CBLB: variants seen among roughly 807,000 people sequenced by gnomAD.
CBLB encodes the protein E3 ubiquitin-protein ligase CBL-B.
A neutral mutation model predicts 104.9 loss-of-function variants in CBLB; 31 were observed. That is an observed-to-expected ratio of 0.30 (90% CI 0.22 to 0.40). The LOEUF (loss-of-function observed/expected upper bound fraction) is 0.40. Among genes scored for constraint, CBLB ranks in the 10% least tolerant of loss-of-function variants. The pLI is 1.00. For synonymous variants in CBLB, 440 were observed against 422.6 expected (o/e 1.04, Z -0.51); for missense variants, 1,062 against 1,214.6 (o/e 0.87, Z 1.87).
rs141570213 is a variant in CBLB at position 105,859,603 on chromosome 3, C to T, written c.169-5939G>A. Reference sequence around the variant, plus strand: ...CCAGGAGACGGAGCTTGCAGTGAGCCGAGATCGTGCCACTGCACTCCAGCA... The same window carrying T: ...CCAGGAGACGGAGCTTGCAGTGAGCTGAGATCGTGCCACTGCACTCCAGCA... On this transcript the variant is annotated intron_variant, in intron 2 of 18. Coordinates refer to ENST00000394030, the MANE Select transcript of CBLB (RefSeq NM_170662.5). Among the ~76,000 whole-genome samples, 641 of 148,370 alleles carry T rather than the reference C, an allele frequency of 4.3e-3. 5 individuals carry two copies. The highest frequency in any genetic ancestry group is 0.015 in the African/African-American group (607 of 40,262).
At chr3:105,703,850 A>T in intron 11 of CBLB, 138 bp downstream of exon 11, 1 of 761,844 alleles carries the variant, frequency 1.3e-6, no homozygotes, top group Non-Finnish European at 2.2e-6. Flanking sequence ...TGGGCTCACC[A>T]TAAACTAAAC....
At chr3:105,840,900 C>T (rs1010758221) in intron 3 of CBLB, among the ~76,000 whole-genome samples, 2 of 151,174 alleles carry the variant, frequency 1.3e-5, no homozygotes, top group Admixed American at 6.6e-5. Flanking sequence ...AAAATATAAT[C>T]GTCTTCTCTT....
At chr3:105,831,849 G>C (rs532307949) in intron 3 of CBLB, among the ~76,000 whole-genome samples, 4 of 151,770 alleles carry the variant, frequency 2.6e-5, no homozygotes, top group Non-Finnish European at 5.9e-5. Context: ...GACAAGTGAG[G>C]CTGAAGTTTA....
intron 12 of CBLB, among the ~76,000 whole-genome samples, chr3:105,698,144 G>C (rs370898072): frequency 6.6e-6 from 1 of 152,082 alleles, no homozygotes; most frequent in Non-Finnish European, 1.5e-5. Context: ...GTATTACCTT[G>C]GCTAGCTTTT....
intron 3 of CBLB, among the ~76,000 whole-genome samples, chr3:105,799,402 T>G (rs1170460806): frequency 6.6e-6 from 1 of 152,104 alleles, no homozygotes. Flanking sequence ...TAGGCACAAT[T>G]AGTACCATTT....
At chr3:105,800,260 TG>T (rs1344858849) in intron 3 of CBLB, among the ~76,000 whole-genome samples, 3 of 152,170 alleles carry the variant, frequency 2.0e-5, no homozygotes, top group African/African-American at 7.2e-5. Context: ...ATAAAATCTC[TG>T]GGGAAGGGAC....
intron 3 of CBLB, among the ~76,000 whole-genome samples, chr3:105,836,783 T>C (rs2088583688): frequency 6.6e-6 from 1 of 152,072 alleles, no homozygotes; most frequent in African/African-American, 2.4e-5. Flanking sequence ...CTAACAGCTA[T>C]GTGAGGGGGC....
intron 4 of CBLB, among the ~76,000 whole-genome samples, chr3:105,755,981 C>T (rs1327547581): frequency 6.6e-6 from 1 of 152,108 alleles, no homozygotes; most frequent in African/African-American, 2.4e-5. Context: ...CCTTTATGAT[C>T]CAATGTTAAA....
chr3:105,797,317 C>A (rs1560284324), intron 3 of CBLB, among the ~76,000 whole-genome samples: 1 of 152,140 alleles, frequency 6.6e-6, no homozygotes, highest in Non-Finnish European at 1.5e-5. Flanking sequence ...TTATCTGAAG[C>A]AAACTAATGT....
intron 9 of CBLB, among the ~76,000 whole-genome samples, chr3:105,725,730 G>A (rs992183212): frequency 1.3e-5 from 2 of 152,146 alleles, no homozygotes; most frequent in African/African-American, 2.4e-5. Context: ...TAAAACGTTC[G>A]TAAAGGCAAG....
chr3:105,740,703 T>G (rs774350340), intron 6 of CBLB, 72 bp from the exon 7 acceptor site: 4 of 1,311,460 alleles, frequency 3.1e-6, no homozygotes, highest in Non-Finnish European at 4.4e-6. Context: ...TTGTTAGGTT[T>G]CTTCCAAGCA....
At chr3:105,716,432 C>T (rs1480076226) in intron 10 of CBLB, among the ~76,000 whole-genome samples, 1 of 152,124 alleles carries the variant, frequency 6.6e-6, no homozygotes, top group East Asian at 1.9e-4. Context: ...GCCTTAAAGA[C>T]AGTCCTTTAA....
chr3:105,706,759 A>G (rs1465957084), intron 10 of CBLB, among the ~76,000 whole-genome samples: 2 of 152,194 alleles, frequency 1.3e-5, no homozygotes, highest in East Asian at 3.9e-4. Flanking sequence ...CAAAGCTATC[A>G]ATACTGTTTC....
intron 3 of CBLB, among the ~76,000 whole-genome samples, chr3:105,805,973 A>C (rs1165086775): frequency 6.6e-6 from 1 of 151,922 alleles, no homozygotes; most frequent in African/African-American, 2.4e-5. Flanking sequence ...TCTTAAGGAT[A>C]GGAAGCCAGT....
chr3:105,682,531 G>A (rs757466636), intron 14 of CBLB, among the ~76,000 whole-genome samples: 3 of 152,128 alleles, frequency 2.0e-5, no homozygotes, highest in Non-Finnish European at 4.4e-5. Context: ...TTTGTTGTGT[G>A]TGTATCTGTG....
Position 105,807,194 on chromosome 3 carries a change from A to G in CBLB, c.420-30652T>C, listed in dbSNP as rs570606590. Reference sequence around the variant, plus strand: ...ATACATTCAAATGTCACCTAAATAAATTTTACCAGATTAAATTTTTGAGAA... The same window carrying G: ...ATACATTCAAATGTCACCTAAATAAGTTTTACCAGATTAAATTTTTGAGAA... On this transcript the variant is annotated intron_variant, in intron 3 of 18. Coordinates refer to ENST00000394030, the MANE Select transcript of CBLB (RefSeq NM_170662.5). 2.0e-5 allele frequency among the ~76,000 whole-genome samples: 3 copies of G among 152,322 alleles called. No individual in the cohort carries two copies. The South Asian group carries it at 6.2e-4, about 32-fold the overall frequency.
intron 12 of CBLB, among the ~76,000 whole-genome samples, chr3:105,694,315 T>C (rs2068070667): frequency 6.6e-6 from 1 of 152,000 alleles, no homozygotes; most frequent in South Asian, 2.1e-4. Flanking sequence ...TCGTTTCTCC[T>C]ACAATTTGAA....
At chr3:105,839,214 G>A (rs2089152233) in intron 3 of CBLB, among the ~76,000 whole-genome samples, 1 of 152,112 alleles carries the variant, frequency 6.6e-6, no homozygotes, top group Non-Finnish European at 1.5e-5. Context: ...CATTTCAGAG[G>A]ATTAGAATGC....
At chr3:105,761,357 A>T (rs182271787) in intron 4 of CBLB, among the ~76,000 whole-genome samples, 4 of 152,274 alleles carry the variant, frequency 2.6e-5, no homozygotes, top group Non-Finnish European at 5.9e-5. Flanking sequence ...TAATAATGAT[A>T]TGGTTTGGCT....
Sources: allele counts gnomAD v4.1 joint callset (sites outside exome capture counted in the v4.1 genomes callset), GRCh38; gene constraint gnomAD v4.1.1; transcripts MANE v1.5; gene names NCBI Gene and HGNC (gene_info 2026-07-23, HGNC 2026-07-21).